Variants in LACTBL1 observed in about 807,000 individuals in gnomAD.
LACTBL1 encodes beta-lactamase-like protein 1.
LACTBL1 carries 29 observed loss-of-function variants against 39.6 expected under a neutral mutation model. The ratio of observed to expected loss-of-function variants is 0.73; its 90% confidence interval spans 0.55 to 1.00. The LOEUF (loss-of-function observed/expected upper bound fraction) is 1.00. Among genes scored for constraint, LACTBL1 ranks in the 50% least tolerant of loss-of-function variants. The pLI, the probability that LACTBL1 is intolerant of heterozygous loss-of-function variation, is 0.00. For synonymous variants in LACTBL1, 361 were observed against 360.7 expected (o/e 1.00, Z -0.01); for missense variants, 711 against 748.5 (o/e 0.95, Z 0.59).
intron 1 of LACTBL1, among the ~76,000 whole-genome samples, chr1:22,964,192 C>T (rs1640854813): frequency 6.6e-6 from 1 of 152,184 alleles, no homozygotes; most frequent in African/African-American, 2.4e-5. Flanking sequence ...CTGCCTCGGC[C>T]TCCCAAAGTG....
At chr1:22,954,163 G>A in intron 5 of LACTBL1, 139 bp from the exon 8 acceptor site, 1 of 1,414,116 alleles carries the variant, frequency 7.1e-7, no homozygotes, top group Non-Finnish European at 9.3e-7. Flanking sequence ...AGACCTGGAA[G>A]AGACTTTGGA....
intron 2 of LACTBL1, among the ~76,000 whole-genome samples, chr1:22,960,617 CAA>C (rs35006759): frequency 2.4e-4 from 9 of 37,984 alleles, no homozygotes; most frequent in Non-Finnish European, 3.4e-4. Context: ...AACTCCGTCT[CAA>C]AAAAAAAAAA....
chr1:22,965,301 T>C (rs981766126), exon 1 of LACTBL1: 6 of 1,316,454 alleles, frequency 4.6e-6, no homozygotes, highest in Admixed American at 3.8e-5. Context: ...GGTCTTCAGC[T>C]TGGGGAGGTG....
chr1:22,972,530 C>G, the LACTBL1 span: 10 of 646,760 alleles, frequency 1.5e-5, no homozygotes, highest in African/African-American at 2.0e-5. Context: ...ATGGCTCCCC[C>G]TCCCAGGTGA....
chr1:22,953,142 G>C, exon 6 of LACTBL1: 1 of 1,232,234 alleles, frequency 8.1e-7, no homozygotes, highest in Non-Finnish European at 1.0e-6. Context: ...GGTGATCCAA[G>C]GGGTAGAAGT....
intron 1 of LACTBL1, 30 bp from the exon 4 acceptor site, chr1:22,963,246 GA>G (rs1640844053): frequency 1.6e-6 from 2 of 1,227,204 alleles, no homozygotes; most frequent in South Asian, 4.4e-5. Flanking sequence ...GTGAGGAGGG[GA>G]CAGAGATCAG....
upstream of LACTBL1, among the ~76,000 whole-genome samples, chr1:22,970,172 G>T (rs981617491): frequency 1.3e-5 from 2 of 152,098 alleles, no homozygotes; most frequent in African/African-American, 4.8e-5. Flanking sequence ...AATCATCTTT[G>T]GTCATAATAT....
the LACTBL1 span, among the ~76,000 whole-genome samples, chr1:22,970,882 T>C: frequency 6.6e-6 from 1 of 151,440 alleles, no homozygotes; most frequent in Non-Finnish European, 1.5e-5. Context: ...TCAATTGTTA[T>C]AAAATAAAGC....
chr1:22,967,180 G>T (rs992221798), upstream of LACTBL1, among the ~76,000 whole-genome samples: 1 of 152,126 alleles, frequency 6.6e-6, no homozygotes, highest in Admixed American at 6.5e-5. Flanking sequence ...ACCAGCCTGG[G>T]CAACATGGCA....
At chr1:22,966,867 T>C (rs568594831), upstream of LACTBL1, among the ~76,000 whole-genome samples, 14 of 152,188 alleles carry the variant, frequency 9.2e-5, no homozygotes, top group Non-Finnish European at 1.9e-4. Context: ...CCCCTCTATC[T>C]CCTTCAATCC....
At chr1:22,953,133 G>T in exon 6 of LACTBL1, 1 of 1,232,244 alleles carries the variant, frequency 8.1e-7, no homozygotes, top group Non-Finnish European at 1.0e-6. Context: ...ACAGCCCGTG[G>T]TGATCCAAGG....
intron 2 of LACTBL1, among the ~76,000 whole-genome samples, chr1:22,960,617 C>CAA (rs35006759): frequency 0.068 from 2,526 of 37,118 alleles, 264 homozygotes; most frequent in African/African-American, 0.15. Flanking sequence ...AACTCCGTCT[C>CAA]AAAAAAAAAA....
intron 4 of LACTBL1, 24 bp from the exon 7 acceptor site, chr1:22,955,450 T>TTACC: frequency 6.6e-7 from 1 of 1,511,162 alleles, no homozygotes; most frequent in Non-Finnish European, 9.0e-7. Context: ...GTGGTCAGAC[T>TTACC]TACCGGGCCC....
At chr1:22,965,875 T>C (rs1374757802), upstream of LACTBL1, among the ~76,000 whole-genome samples, 1 of 152,196 alleles carries the variant, frequency 6.6e-6, no homozygotes, top group East Asian at 1.9e-4. Context: ...CTTCTACTTA[T>C]ATAAAATGTC....
the LACTBL1 span, chr1:22,972,748 C>T: frequency 1.9e-6 from 1 of 515,786 alleles, no homozygotes; most frequent in Non-Finnish European, 2.5e-6. Flanking sequence ...TGGTCAGGCC[C>T]TCAGGCTCTT....
chr1:22,972,508 C>T, the LACTBL1 span: 1 of 828,600 alleles, frequency 1.2e-6, no homozygotes, highest in South Asian at 5.6e-5. Context: ...TCAAAGCAGC[C>T]CTCCTCTTCC....
chr1:22,954,346 T>A (rs933918910), intron 5 of LACTBL1, among the ~76,000 whole-genome samples: 2 of 152,148 alleles, frequency 1.3e-5, no homozygotes, highest in Non-Finnish European at 2.9e-5. Context: ...TTACCTTATC[T>A]AATGGAAAAT....
At chr1:22,955,227 A>G (rs906110488) in intron 5 of LACTBL1, 94 bp downstream of exon 7, 1 of 1,008,416 alleles carries the variant, frequency 9.9e-7, no homozygotes, top group Non-Finnish European at 1.5e-6. Flanking sequence ...GGCTCTGCCA[A>G]CCTAGGATGA....
intron 2 of LACTBL1, among the ~76,000 whole-genome samples, chr1:22,962,728 C>T (rs1170782618): frequency 6.6e-6 from 1 of 152,128 alleles, no homozygotes; most frequent in African/African-American, 2.4e-5. Context: ...CCTCACCACA[C>T]ACATGTCATC....
Sources: allele counts gnomAD v4.1 joint callset (sites outside exome capture counted in the v4.1 genomes callset), GRCh38; gene constraint gnomAD v4.1.1; transcripts MANE v1.5; gene names NCBI Gene and HGNC (gene_info 2026-07-23, HGNC 2026-07-21).